PRDM2: variants seen among roughly 807,000 people sequenced by gnomAD.
The protein encoded by PRDM2 is PR/SET domain 2.
PRDM2 carries 30 observed loss-of-function variants against 130.0 expected under a neutral mutation model. That is an observed-to-expected ratio of 0.23 (90% CI 0.17 to 0.31). PRDM2 has a LOEUF of 0.31. Among genes scored for constraint, PRDM2 ranks in the 10% least tolerant of loss-of-function variants. PRDM2 has a pLI of 1.00. For missense variants in PRDM2, 2,011 were observed against 2,108.4 expected (o/e 0.95, Z 0.90); for synonymous variants, 871 against 782.4 (o/e 1.11, Z -1.89).
At chr1:13,761,440 C>T (rs910960243) in intron 6 of PRDM2, among the ~76,000 whole-genome samples, 4 of 152,042 alleles carry the variant, frequency 2.6e-5, no homozygotes, top group African/African-American at 7.2e-5. Flanking sequence ...ACCAGTTTTC[C>T]GGGAAGAAAT....
At chr1:13,748,978 C>CCG (rs1280904861) in intron 5 of PRDM2, among the ~76,000 whole-genome samples, 4 of 152,228 alleles carry the variant, frequency 2.6e-5, no homozygotes, top group Non-Finnish European at 5.9e-5. Context: ...CCACACCGCA[C>CCG]GCTTTTCAGT....
intron 9 of PRDM2, among the ~76,000 whole-genome samples, chr1:13,819,662 A>G (rs1198525148): frequency 2.6e-5 from 4 of 152,206 alleles, no homozygotes; most frequent in African/African-American, 9.6e-5. Flanking sequence ...ACAGAAATTT[A>G]TTTCCTGATG....
intron 5 of PRDM2, among the ~76,000 whole-genome samples, chr1:13,747,958 A>G (rs1467277307): frequency 2.0e-5 from 3 of 152,100 alleles, no homozygotes; most frequent in Non-Finnish European, 4.4e-5. Flanking sequence ...TTCCACATTC[A>G]GTTGTTATGT....
rs530281438 is a variant in PRDM2, at chr1:13,794,657, C to T, written c.5036+11826C>T. On this transcript the variant is annotated intron_variant, in intron 8 of 9. Transcript: ENST00000311066. Reference sequence around the variant, plus strand: ...CAACTTTAGAGCAGCCTGGAAGGACCACAGATGCTGTTCACCCCAGTGAGT... The same window carrying T: ...CAACTTTAGAGCAGCCTGGAAGGACTACAGATGCTGTTCACCCCAGTGAGT... Among the ~76,000 whole-genome samples the T allele has an allele frequency of 6.6e-5, 10 of 152,298 alleles. No individual in the cohort carries two copies. In the South Asian group the frequency reaches 2.1e-3, roughly 32 times the overall value.
chr1:13,820,111 C>T (rs1208144596), intron 9 of PRDM2, among the ~76,000 whole-genome samples: 1 of 152,194 alleles, frequency 6.6e-6, no homozygotes, highest in Non-Finnish European at 1.5e-5. Flanking sequence ...CATCAACACT[C>T]TGGTCTTCTG....
intron 5 of PRDM2, among the ~76,000 whole-genome samples, chr1:13,747,457 A>G (rs1181658092): frequency 2.0e-5 from 3 of 152,172 alleles, no homozygotes; most frequent in Non-Finnish European, 2.9e-5. Flanking sequence ...GTTTTAATTT[A>G]TTAATATATA....
At chr1:13,702,347 C>A (rs941482082) in intron 1 of PRDM2, among the ~76,000 whole-genome samples, 1 of 152,064 alleles carries the variant, frequency 6.6e-6, no homozygotes, top group East Asian at 1.9e-4. Flanking sequence ...TCAATCAAGT[C>A]CATATTGATC....
At chr1:13,714,200 T>G (rs927346938) in intron 1 of PRDM2, among the ~76,000 whole-genome samples, 1 of 149,106 alleles carries the variant, frequency 6.7e-6, no homozygotes. Flanking sequence ...GATAACAATC[T>G]TATGTCTTAG....
At chr1:13,786,958 A>G (rs1411289385) in intron 8 of PRDM2, 1 of 991,742 alleles carries the variant, frequency 1.0e-6, no homozygotes, top group Non-Finnish European at 1.2e-6. Flanking sequence ...CTCATTTAAA[A>G]CGTTTTGGTC....
chr1:13,808,613 CA>C (rs1191386726), intron 8 of PRDM2, among the ~76,000 whole-genome samples: 5 of 152,106 alleles, frequency 3.3e-5, no homozygotes, highest in Non-Finnish European at 7.4e-5. Flanking sequence ...CCCTCCCCTG[CA>C]CTGAACAGAT....
Position 13,803,471 on chromosome 1 carries a change from CG to C in PRDM2, c.5037-12951del, listed in dbSNP as rs916234502. 6.6e-6 allele frequency among the ~76,000 whole-genome samples: 1 copy of C among 152,142 alleles called. No homozygotes were observed. The highest frequency in any genetic ancestry group is 1.5e-5 in the Non-Finnish European group (1 of 68,034). ...GATCTGAGTGCCCTCAGCGAGTCCT[CG>C]GGGGCTTCAACTACCCTTCTTCCCA... On this transcript the variant is annotated intron_variant, in intron 8 of 9. Coordinates refer to ENST00000311066, the MANE Select transcript of PRDM2 (RefSeq NM_001393986.1). The surrounding 1 kb of genome is among the most constrained non-coding windows in gnomAD (Gnocchi z 6.2).
intron 7 of PRDM2, among the ~76,000 whole-genome samples, chr1:13,777,303 T>C (rs117494767): frequency 0.015 from 2,212 of 152,168 alleles, 38 homozygotes; most frequent in South Asian, 0.082. Context: ...GCCCCATCTT[T>C]CCATCTGCCT....
At chr1:13,742,201 G>A in intron 5 of PRDM2, 44 bp downstream of exon 5, 1 of 1,583,744 alleles carries the variant, frequency 6.3e-7, no homozygotes, top group Non-Finnish European at 8.7e-7. Context: ...CGCTGCTTGT[G>A]TTTTCCTTTT....
Position 13,782,001 on chromosome 1 carries a change from G to A in PRDM2, c.4206G>A (p.Arg1402=), listed in dbSNP as rs202098822. ...NAFRRMGQPK[R]LNFSVELSKM... ...TCCGACGAATGGGACAGCCCAAAAG[G>A]CTTAACTTTAGTGTTGAGCTCAGCA... Residue 1402 remains arginine, a synonymous_variant, in exon 8 of 10, where the codon AGG becomes AGA. Transcript: ENST00000311066. 1 of 1,614,132 alleles carries A rather than the reference G, an allele frequency of 6.2e-7. No homozygotes were observed. Among genetic ancestry groups the A allele is most frequent in the Non-Finnish European group, 8.5e-7 (1 of 1,180,032 alleles).
At chr1:13,726,153 C>T (rs1269361130) in intron 2 of PRDM2, among the ~76,000 whole-genome samples, 8 of 152,206 alleles carry the variant, frequency 5.3e-5, no homozygotes, top group African/African-American at 1.9e-4. Flanking sequence ...TTGTATCTGA[C>T]ACATCTTGAA....
At chr1:13,702,349 A>G (rs1293159165) in intron 1 of PRDM2, among the ~76,000 whole-genome samples, 7 of 152,198 alleles carry the variant, frequency 4.6e-5, no homozygotes, top group Non-Finnish European at 8.8e-5. Context: ...AATCAAGTCC[A>G]TATTGATCTG....
intron 3 of PRDM2, among the ~76,000 whole-genome samples, chr1:13,732,209 T>C (rs551123270): frequency 6.6e-6 from 1 of 152,224 alleles, no homozygotes; most frequent in South Asian, 2.1e-4. Flanking sequence ...CTATTTTGGC[T>C]GTTAGAAACT....
chr1:13,786,722 C>A (rs923948512), intron 8 of PRDM2: 1 of 1,431,228 alleles, frequency 7.0e-7, no homozygotes, highest in Non-Finnish European at 9.1e-7. Context: ...GGGGGCCCAA[C>A]GCGCATGCTG....
chr1:13,789,968 G>T (rs187035471), intron 8 of PRDM2, among the ~76,000 whole-genome samples: 7 of 152,350 alleles, frequency 4.6e-5, no homozygotes, highest in Admixed American at 6.5e-5. Context: ...GTGAAGCACT[G>T]CTGTTGAGCG....
Sources: gnomAD v4.1 joint callset for allele counts (sites outside exome capture counted in the v4.1 genomes callset) on GRCh38, gnomAD v4.1.1 for gene constraint, Gnocchi (gnomAD v3.1) non-coding constraint, MANE v1.5 for transcripts, NCBI Gene and HGNC (gene_info 2026-07-23, HGNC 2026-07-21) for gene names.